Variants in SLC35D4 observed in about 807,000 individuals in gnomAD.
SLC35D4 encodes solute carrier family 35 member D4.
the SLC35D4 span, among the ~76,000 whole-genome samples, chr18:23,348,003 C>A: frequency 2.0e-5 from 3 of 152,178 alleles, no homozygotes; most frequent in Non-Finnish European, 4.4e-5. Flanking sequence ...TCAAGCACTA[C>A]TTTAGCTGCA....
the SLC35D4 span, among the ~76,000 whole-genome samples, chr18:23,411,483 T>TAGTA: frequency 1.4e-4 from 13 of 91,810 alleles, no homozygotes; most frequent in Non-Finnish European, 1.8e-4. Flanking sequence ...AAGAAAGAGA[T>TAGTA]AGAAAGAAAG....
At chr18:23,243,454 G>T in the SLC35D4 span, among the ~76,000 whole-genome samples, 1 of 150,972 alleles carries the variant, frequency 6.6e-6, no homozygotes, top group Non-Finnish European at 1.5e-5. Flanking sequence ...GGTTGTTTTG[G>T]GTGTGGGTTT....
the SLC35D4 span, among the ~76,000 whole-genome samples, chr18:23,255,305 T>C: frequency 7.3e-6 from 1 of 137,546 alleles, no homozygotes; most frequent in Admixed American, 7.1e-5. Context: ...AAAGACATGG[T>C]TAAGTCAGTG....
chr18:23,389,935 A>G, the SLC35D4 span, among the ~76,000 whole-genome samples: 1 of 152,190 alleles, frequency 6.6e-6, no homozygotes, highest in Non-Finnish European at 1.5e-5. Context: ...ACCCCTAGTG[A>G]CTGATGCTTT....
chr18:23,323,346 C>T, the SLC35D4 span, among the ~76,000 whole-genome samples: 3 of 152,150 alleles, frequency 2.0e-5, no homozygotes, highest in Non-Finnish European at 4.4e-5. Flanking sequence ...CCCCAGACCC[C>T]GACACTTCCT....
chr18:23,278,466 C>T, the SLC35D4 span, among the ~76,000 whole-genome samples: 3 of 152,194 alleles, frequency 2.0e-5, no homozygotes, highest in Non-Finnish European at 4.4e-5. Flanking sequence ...TAGCAATTTA[C>T]TAGGAAGTGT....
At chr18:23,373,734 C>T in the SLC35D4 span, 14 of 1,613,722 alleles carry the variant, frequency 8.7e-6, no homozygotes, top group East Asian at 2.7e-4. Flanking sequence ...GAAGGGAAGG[C>T]ATCCTGCTGC....
chr18:23,408,802 T>G, the SLC35D4 span, among the ~76,000 whole-genome samples: 1 of 150,662 alleles, frequency 6.6e-6, no homozygotes, highest in Non-Finnish European at 1.5e-5. Context: ...TTGTGCTTTC[T>G]ATATCTTATC....
At chr18:23,349,306 G>T in the SLC35D4 span, among the ~76,000 whole-genome samples, 13 of 152,118 alleles carry the variant, frequency 8.5e-5, no homozygotes, top group South Asian at 4.1e-4. Flanking sequence ...ACAGGTCTCT[G>T]AGGCTCTGTT....
At chr18:23,361,195 T>G in the SLC35D4 span, among the ~76,000 whole-genome samples, 2 of 150,758 alleles carry the variant, frequency 1.3e-5, no homozygotes, top group Non-Finnish European at 3.0e-5. Flanking sequence ...CTGTAAAATG[T>G]CAGAAAGTAT....
At chr18:23,318,625 C>T in the SLC35D4 span, among the ~76,000 whole-genome samples, 1 of 152,106 alleles carries the variant, frequency 6.6e-6, no homozygotes, top group African/African-American at 2.4e-5. Flanking sequence ...TTTTACTTTA[C>T]AACATGATTT....
At chr18:23,400,431 T>C in the SLC35D4 span, among the ~76,000 whole-genome samples, 1 of 151,950 alleles carries the variant, frequency 6.6e-6, no homozygotes, top group Non-Finnish European at 1.5e-5. Flanking sequence ...CTAGACCAGC[T>C]TGGCCAACAT....
At chr18:23,314,795 G>A in the SLC35D4 span, among the ~76,000 whole-genome samples, 13 of 152,298 alleles carry the variant, frequency 8.5e-5, no homozygotes, top group South Asian at 6.2e-4. Context: ...ACACAGACCC[G>A]AATAACAAAC....
the SLC35D4 span, among the ~76,000 whole-genome samples, chr18:23,314,853 A>G: frequency 6.6e-6 from 1 of 152,262 alleles, no homozygotes; most frequent in African/African-American, 2.4e-5. Context: ...GCAGAACTCA[A>G]TACGAGGTGT....
the SLC35D4 span, among the ~76,000 whole-genome samples, chr18:23,339,044 C>T: frequency 5.9e-5 from 9 of 152,180 alleles, no homozygotes; most frequent in African/African-American, 1.9e-4. Context: ...CAAGCCACCA[C>T]ACCTGGCTAA....
the SLC35D4 span, among the ~76,000 whole-genome samples, chr18:23,395,773 C>A: frequency 1.3e-5 from 2 of 152,236 alleles, no homozygotes; most frequent in Non-Finnish European, 2.9e-5. Flanking sequence ...CCCTCCAAGA[C>A]TGACACTCAC....
the SLC35D4 span, among the ~76,000 whole-genome samples, chr18:23,330,261 C>T: frequency 6.6e-6 from 1 of 151,926 alleles, no homozygotes; most frequent in Non-Finnish European, 1.5e-5. Context: ...AAACAGAAAA[C>T]CTCAGGAATG....
chr18:23,437,920 C>A, the SLC35D4 span: 3 of 1,530,464 alleles, frequency 2.0e-6, no homozygotes, highest in East Asian at 2.4e-5. Flanking sequence ...CGCCCGACCC[C>A]CGCAGCAGCA....
At chr18:23,283,492 AAG>A in the SLC35D4 span, among the ~76,000 whole-genome samples, 26 of 149,512 alleles carry the variant, frequency 1.7e-4, no homozygotes, top group South Asian at 6.4e-4. Flanking sequence ...AAAAAAAAAA[AAG>A]AAAGAAAGAA....
Sources: gnomAD v4.1 joint callset for allele counts (sites outside exome capture counted in the v4.1 genomes callset) on GRCh38, gnomAD v4.1.1 for gene constraint, MANE v1.5 for transcripts, NCBI Gene and HGNC (gene_info 2026-07-23, HGNC 2026-07-21) for gene names.